Variants in SYTL5 observed in about 807,000 individuals in gnomAD.
The protein encoded by SYTL5 is synaptotagmin-like protein 5.
A neutral mutation model predicts 55.9 loss-of-function variants in SYTL5; 34 were observed. The observed-to-expected ratio is 0.61, with a 90% CI of 0.46 to 0.81. The LOEUF is 0.81. Among genes scored for constraint, SYTL5 ranks in the 30% least tolerant of loss-of-function variants. The pLI, the probability that SYTL5 is intolerant of heterozygous loss-of-function variation, is 0.00. For missense variants in SYTL5, 637 were observed against 546.7 expected (o/e 1.17, Z -1.65); for synonymous variants, 221 against 188.7 (o/e 1.17, Z -1.40).
intron 6 of SYTL5, among the ~76,000 whole-genome samples, chrX:38,088,467 G>A (rs1936712649): frequency 1.8e-5 from 2 of 111,244 alleles, no homozygotes; most frequent in Non-Finnish European, 3.8e-5. Context: ...GCCCACTGAG[G>A]GAAAAGAATA....
At chrX:37,909,306 G>A in the SYTL5 span, among the ~76,000 whole-genome samples, 35,755 of 111,224 alleles carry the variant, frequency 0.32, 6,608 homozygotes, top group African/African-American at 0.72. Flanking sequence ...AGCAAGTATC[G>A]AGAGATTGAA....
At chrX:38,058,539 T>A (rs1359642447) in intron 3 of SYTL5, among the ~76,000 whole-genome samples, 1 of 110,157 alleles carries the variant, frequency 9.1e-6, no homozygotes, top group East Asian at 2.8e-4. Context: ...TTAGCATGGC[T>A]TTATTTCACT....
Position 38,122,185 on chromosome X carries a change from C to G in SYTL5, c.1811C>G (p.Ser604Ter). 1 of 1,208,431 alleles carries G rather than the reference C, an allele frequency of 8.3e-7. No individual in the cohort carries two copies. Among genetic ancestry groups the G allele is most frequent in the Non-Finnish European group, 1.1e-6 (1 of 893,411 alleles). The change falls in exon 15 of 17, where the codon TCA (serine) becomes TGA (stop). Residue 604 changes from serine (S) to a stop codon, truncating the protein, a stop_gained. Transcript: ENST00000297875. LOFTEE classifies it high-confidence loss of function. The stretch of plus-strand genomic sequence containing the variant: ...GCAAAGAATTTGACAGCAGTGAAGT[C>G]AGGAGGCACTTCTGATAGCTTTGTG... ...KEAKNLTAVKSGGTSDSFVKG... is the reference protein window; with the variant it reads ...KEAKNLTAVK
At chrX:37,972,001 A>G in the SYTL5 span, among the ~76,000 whole-genome samples, 1 of 109,468 alleles carries the variant, frequency 9.1e-6, no homozygotes, top group African/African-American at 3.3e-5. Context: ...AAAGGGCTCA[A>G]AACGCTGGGT....
intron 6 of SYTL5, among the ~76,000 whole-genome samples, chrX:38,077,683 C>G (rs1413256463): frequency 9.0e-6 from 1 of 111,516 alleles, no homozygotes; most frequent in East Asian, 2.8e-4. Context: ...TACAAGGAAG[C>G]GTAAAGTCAT....
chrX:37,905,472 G>T, the SYTL5 span, among the ~76,000 whole-genome samples: 2 of 108,897 alleles, frequency 1.8e-5, no homozygotes, highest in Non-Finnish European at 3.8e-5. Context: ...TTCCTGCAAG[G>T]TAGGGTCCGA....
At chrX:37,988,126 C>T in the SYTL5 span, among the ~76,000 whole-genome samples, 1 of 111,819 alleles carries the variant, frequency 8.9e-6, no homozygotes, top group African/African-American at 3.3e-5. Context: ...AGGTCAATCA[C>T]ACAAGTTCAT....
At chrX:38,099,578 A>T in intron 9 of SYTL5, among the ~76,000 whole-genome samples, 1 of 110,855 alleles carries the variant, frequency 9.0e-6, no homozygotes, top group Non-Finnish European at 1.9e-5. Flanking sequence ...TATTTCTTTT[A>T]CCTGTTTAAT....
chrX:38,061,775 C>T (rs1569172866), intron 3 of SYTL5, among the ~76,000 whole-genome samples: 1 of 110,849 alleles, frequency 9.0e-6, no homozygotes, highest in Non-Finnish European at 1.9e-5. Flanking sequence ...GGGACCTTGA[C>T]ACAGCCAGTT....
chrX:38,126,080 A>G (rs1937637601), intron 16 of SYTL5, among the ~76,000 whole-genome samples: 1 of 112,238 alleles, frequency 8.9e-6, no homozygotes. Context: ...GAGCACGTGC[A>G]TTCCCCTAAC....
chrX:38,119,044 G>A (rs1400108440), intron 13 of SYTL5, among the ~76,000 whole-genome samples: 1 of 106,498 alleles, frequency 9.4e-6, no homozygotes, highest in Non-Finnish European at 1.9e-5. Context: ...AAACTCCTGG[G>A]CTCAAGCAAT....
At chrX:37,889,228 G>C in the SYTL5 span, among the ~76,000 whole-genome samples, 2 of 112,377 alleles carry the variant, frequency 1.8e-5, no homozygotes, top group African/African-American at 6.5e-5. Context: ...GTGACCCAGA[G>C]AATACTCACT....
At position 38,106,766 on chromosome X, in the gene SYTL5, A is replaced by G; in HGVS notation, c.1329A>G (p.Thr443=). ...TAGGAGATGAAAAGAAACAGAGGACAGATGCGTAAGCACATAGCATGTTCC... is the reference window on the plus strand; with the variant it reads ...TAGGAGATGAAAAGAAACAGAGGACGGATGCGTAAGCACATAGCATGTTCC... ...LAIGDEKKQR[T]DAYVKSYLLP... is the part of the protein sequence containing the mutation. The change falls in exon 11 of 17, where the codon ACA becomes ACG. Residue 443 remains threonine (T), a synonymous_variant. Coordinates refer to ENST00000297875, the MANE Select transcript of SYTL5 (RefSeq NM_138780.3). 5 of 1,196,061 alleles carry G rather than the reference A, an allele frequency of 4.2e-6. No homozygotes were observed. Among genetic ancestry groups the G allele is most frequent in the Non-Finnish European group, 4.5e-6 (4 of 887,588 alleles).
At chrX:37,985,504 A>G in the SYTL5 span, among the ~76,000 whole-genome samples, 4 of 111,338 alleles carry the variant, frequency 3.6e-5, no homozygotes, top group African/African-American at 1.3e-4. Context: ...TCTGAAAACT[A>G]CAACATATTG....
chrX:37,977,718 ACAC>A, the SYTL5 span, among the ~76,000 whole-genome samples: 1 of 107,351 alleles, frequency 9.3e-6, no homozygotes, highest in Non-Finnish European at 1.9e-5. Context: ...ACACACACAC[ACAC>A]ACACACACAC....
At chrX:37,973,930 C>A in the SYTL5 span, among the ~76,000 whole-genome samples, 1 of 111,565 alleles carries the variant, frequency 9.0e-6, no homozygotes, top group African/African-American at 3.3e-5. Flanking sequence ...GGACACCATG[C>A]TAAGTGAAAT....
chrX:37,993,713 A>G, the SYTL5 span, among the ~76,000 whole-genome samples: 48 of 112,735 alleles, frequency 4.3e-4, no homozygotes, highest in African/African-American at 1.5e-3. Flanking sequence ...AGTGACTTAC[A>G]GCTTCTAGAG....
intron 3 of SYTL5, among the ~76,000 whole-genome samples, chrX:38,067,166 T>C (rs966832028): frequency 4.5e-5 from 5 of 111,813 alleles, no homozygotes; most frequent in Non-Finnish European, 5.6e-5. Flanking sequence ...ACAAGACTTA[T>C]AGTTATTATT....
the SYTL5 span, among the ~76,000 whole-genome samples, chrX:37,963,352 G>C: frequency 9.6e-6 from 1 of 104,285 alleles, no homozygotes; most frequent in Non-Finnish European, 2.0e-5. Context: ...GCAGTGGCGT[G>C]ATCTCAGCTC....
Sources: allele counts gnomAD v4.1 joint callset (sites outside exome capture counted in the v4.1 genomes callset), GRCh38; gene constraint gnomAD v4.1.1; transcripts MANE v1.5; gene names NCBI Gene and HGNC (gene_info 2026-07-23, HGNC 2026-07-21).